The following CNTNAP2 variants were observed in gnomAD, a reference collection of about 807,000 sequenced individuals.
CNTNAP2 encodes contactin associated protein 2, also known as contactin-associated protein-like 2.
CNTNAP2 carries 98 observed loss-of-function variants against 155.2 expected under a neutral mutation model. The ratio of observed to expected loss-of-function variants is 0.63; its 90% CI spans 0.54 to 0.75. The LOEUF is 0.75. CNTNAP2 is among the 30% of genes least tolerant of loss of function. The probability of loss-of-function intolerance (pLI) is 0.00; values close to 1 mark genes in which losing one functional copy is unlikely to be tolerated. For missense variants in CNTNAP2, 1,727 were observed against 1,688.1 expected (o/e 1.02, Z -0.40); for synonymous variants, 651 against 631.2 (o/e 1.03, Z -0.47).
chr7:147,639,056 A>G (rs933165044), intron 12 of CNTNAP2, 50 bp from the exon 13 acceptor site: 3 of 1,556,962 alleles, frequency 1.9e-6, no homozygotes, highest in East Asian at 2.2e-5. Flanking sequence ...CATTTGGAGA[A>G]GCATTTGCAT....
chr7:148,031,163 G>A (rs547102439), intron 15 of CNTNAP2, among the ~76,000 whole-genome samples: 1 of 152,134 alleles, frequency 6.6e-6, no homozygotes, highest in African/African-American at 2.4e-5. Context: ...CTTCCACAGA[G>A]ACTGAGAGAC....
chr7:147,496,512 C>T (rs531565632), intron 11 of CNTNAP2: 1 of 152,260 alleles, frequency 6.6e-6, no homozygotes, highest in Non-Finnish European at 1.5e-5. Context: ...TACTAAATTA[C>T]TTCTCAATTA....
intron 1 of CNTNAP2, among the ~76,000 whole-genome samples, chr7:146,303,121 T>G (rs1472295483): frequency 6.6e-6 from 1 of 151,260 alleles, no homozygotes; most frequent in Non-Finnish European, 1.5e-5. Context: ...CATGCATACA[T>G]GAACACGTGT....
intron 21 of CNTNAP2, among the ~76,000 whole-genome samples, chr7:148,325,628 A>T (rs1006463544): frequency 3.3e-5 from 5 of 152,198 alleles, no homozygotes; most frequent in Non-Finnish European, 7.3e-5. Context: ...CATGACCCCA[A>T]ACCAATAGAT....
At chr7:146,872,725 A>G (rs1795338925) in intron 3 of CNTNAP2, among the ~76,000 whole-genome samples, 1 of 152,218 alleles carries the variant, frequency 6.6e-6, no homozygotes, top group African/African-American at 2.4e-5. Flanking sequence ...TAGAAGGCTT[A>G]ACATCTATCT....
chr7:147,298,603 A>G (rs1179635851), intron 8 of CNTNAP2, among the ~76,000 whole-genome samples: 2 of 152,198 alleles, frequency 1.3e-5, no homozygotes, highest in African/African-American at 2.4e-5. Context: ...TAGTTTTTCT[A>G]TTTCTTAGTA....
At chr7:146,884,330 A>G (rs1346565239) in intron 3 of CNTNAP2, among the ~76,000 whole-genome samples, 2 of 152,146 alleles carry the variant, frequency 1.3e-5, no homozygotes, top group African/African-American at 4.8e-5. Context: ...CTTTTCTTGC[A>G]TATTATTTAT....
intron 1 of CNTNAP2, among the ~76,000 whole-genome samples, chr7:146,308,248 C>G (rs1424210125): frequency 7.0e-6 from 1 of 142,754 alleles, no homozygotes; most frequent in African/African-American, 2.6e-5. Context: ...CACTGGCCAT[C>G]AGAGAAATGC....
At chr7:147,263,639 A>G (rs530349778) in intron 8 of CNTNAP2, among the ~76,000 whole-genome samples, 55 of 152,288 alleles carry the variant, frequency 3.6e-4, no homozygotes, top group African/African-American at 1.2e-3. Flanking sequence ...GTTACAGTAT[A>G]TGATTTCAGT....
chr7:147,380,720 C>A (rs1277408142), intron 9 of CNTNAP2, among the ~76,000 whole-genome samples: 3 of 152,072 alleles, frequency 2.0e-5, no homozygotes, highest in African/African-American at 7.2e-5. Context: ...ATCAAATTAA[C>A]AGAATACCAA....
chr7:148,407,703 T>TAAAA (rs57666141), intron 22 of CNTNAP2, among the ~76,000 whole-genome samples: 2,659 of 92,672 alleles, frequency 0.029, 114 homozygotes, highest in African/African-American at 0.076. Flanking sequence ...GACCAAATCT[T>TAAAA]AAAAAAAAAA....
intron 8 of CNTNAP2, among the ~76,000 whole-genome samples, chr7:147,224,790 A>G (rs1031193539): frequency 6.6e-6 from 1 of 152,180 alleles, no homozygotes; most frequent in Non-Finnish European, 1.5e-5. Flanking sequence ...ATATACACAT[A>G]TACACACACA....
chr7:147,196,887 C>T (rs1802812285), intron 8 of CNTNAP2, among the ~76,000 whole-genome samples: 1 of 152,194 alleles, frequency 6.6e-6, no homozygotes, highest in Admixed American at 6.5e-5. Flanking sequence ...CAAGATTTGC[C>T]ACCACAGCTG....
At chr7:147,805,846 A>T (rs955705499) in intron 13 of CNTNAP2, among the ~76,000 whole-genome samples, 2 of 152,222 alleles carry the variant, frequency 1.3e-5, no homozygotes, top group Admixed American at 6.5e-5. Context: ...CTTGAGAATC[A>T]AATCAAAATG....
chr7:147,552,795 G>A (rs1799877484), intron 11 of CNTNAP2, among the ~76,000 whole-genome samples: 1 of 152,154 alleles, frequency 6.6e-6, no homozygotes, highest in Non-Finnish European at 1.5e-5. Flanking sequence ...GAATTCCTGT[G>A]TTCAAATCCT....
At chr7:146,601,911 G>A (rs1798956389) in intron 1 of CNTNAP2, among the ~76,000 whole-genome samples, 1 of 151,828 alleles carries the variant, frequency 6.6e-6, no homozygotes, top group African/African-American at 2.4e-5. Flanking sequence ...AACTAAAGTG[G>A]TAGCAATTAG....
rs546785037 is a variant in CNTNAP2 at position 147,916,972 on chromosome 7, C to T, written c.2255+13251C>T. Reference sequence around the variant, plus strand: ...GCCTTATGTATTATCAGTTGTTCACCATTTTCCATACATGGATTCTGTCTC... The same window carrying T: ...GCCTTATGTATTATCAGTTGTTCACTATTTTCCATACATGGATTCTGTCTC... On this transcript the variant is annotated intron_variant, in intron 14 of 23. Coordinates refer to ENST00000361727, the MANE Select transcript of CNTNAP2 (RefSeq NM_014141.6). 3.3e-5 allele frequency among the ~76,000 whole-genome samples: 5 copies of T among 152,278 alleles called. No individual in the cohort carries two copies. The East Asian group carries it at 9.7e-4, about 29-fold the overall frequency.
At chr7:146,165,129 G>T (rs1368323635) in intron 1 of CNTNAP2, among the ~76,000 whole-genome samples, 1 of 151,890 alleles carries the variant, frequency 6.6e-6, no homozygotes. Flanking sequence ...CTGTGATTTG[G>T]GTAAACTTTT....
chr7:146,320,992 A>G (rs1800990950), intron 1 of CNTNAP2, among the ~76,000 whole-genome samples: 1 of 152,156 alleles, frequency 6.6e-6, no homozygotes, highest in Non-Finnish European at 1.5e-5. Context: ...AGTTCTTATC[A>G]GAAGCTCTAC....
Sources: gnomAD v4.1 joint callset for allele counts (sites outside exome capture counted in the v4.1 genomes callset) on GRCh38, gnomAD v4.1.1 for gene constraint, MANE v1.5 for transcripts, NCBI Gene and HGNC (gene_info 2026-07-23, HGNC 2026-07-21) for gene names.